Variants in CENPM observed in about 807,000 individuals in gnomAD.
The protein encoded by CENPM is interphase centromere complex protein 39.
In CENPM, 14 loss-of-function variants were observed where a neutral mutation model predicts 19.6. The observed-to-expected ratio is 0.71, with a 90% CI of 0.47 to 1.11. The LOEUF (loss-of-function observed/expected upper bound fraction) is 1.11. CENPM is among the 50% of genes most tolerant of loss of function. The probability of loss-of-function intolerance (pLI) is 0.00; values close to 1 mark genes in which losing one functional copy is unlikely to be tolerated. For missense variants in CENPM, 239 were observed against 228.4 expected, an observed-to-expected ratio of 1.05 and a Z score of -0.30; for synonymous variants, 114 against 101.5, an observed-to-expected ratio of 1.12 and a Z score of -0.74.
the CENPM span, among the ~76,000 whole-genome samples, chr22:41,931,488 A>T: frequency 3.7e-4 from 54 of 147,570 alleles, no homozygotes; most frequent in African/African-American, 1.3e-3. Flanking sequence ...TCAGAAAAAA[A>T]AAAAATAATA....
Position 41,945,319 on chromosome 22 carries a change from C to T in CENPM, c.231-15G>A. 1 of 1,613,830 alleles carries T rather than the reference C, an allele frequency of 6.2e-7. No homozygotes were observed. Among genetic ancestry groups the T allele is most frequent in the Non-Finnish European group, 8.5e-7 (1 of 1,179,974 alleles). ...TGTTCTGGAGACTGGGGTGGCCAGG[C>T]CAGGGTGAGAAAACAAACCAGAGAA... On this transcript the variant is annotated splice_polypyrimidine_tract_variant and intron_variant, in intron 3 of 5. Coordinates refer to ENST00000215980, the MANE Select transcript of CENPM (RefSeq NM_024053.5).
Position 41,939,042 on chromosome 22 carries a change from G to A in CENPM, c.*14C>T. The A allele has an allele frequency of 6.2e-7, 1 of 1,612,490 alleles. No individual in the cohort carries two copies. The highest frequency in any genetic ancestry group is 8.5e-7 in the Non-Finnish European group (1 of 1,179,720). On this transcript the variant is annotated 3_prime_UTR_variant, in exon 6 of 6. Transcript: ENST00000215980. The stretch of plus-strand genomic sequence containing the variant: ...CGAAGCCATGAGAAGGGGCAGCCCA[G>A]GGGCCAGCCACCCTCACAGGTCCTC...
the CENPM span, among the ~76,000 whole-genome samples, chr22:41,931,304 A>G: frequency 6.7e-6 from 1 of 149,022 alleles, no homozygotes; most frequent in Non-Finnish European, 1.5e-5. Context: ...CCCTCTCTCT[A>G]TAAGAAATTT....
the CENPM span, among the ~76,000 whole-genome samples, chr22:41,927,199 C>T: frequency 6.6e-6 from 1 of 152,100 alleles, no homozygotes; most frequent in Non-Finnish European, 1.5e-5. Context: ...GGATTACAGG[C>T]GTGAGCCACC....
At chr22:41,935,679 C>T (rs2077680675), downstream of CENPM, among the ~76,000 whole-genome samples, 2 of 152,166 alleles carry the variant, frequency 1.3e-5, no homozygotes, top group Admixed American at 6.5e-5. Context: ...AGAGCCTGCA[C>T]CACTCTGCTC....
intron 4 of CENPM, 132 bp from the exon 5 acceptor site, chr22:41,943,833 T>C: frequency 1.4e-6 from 1 of 720,806 alleles, no homozygotes; most frequent in Non-Finnish European, 2.2e-6. Context: ...GTGACAGTCC[T>C]ATTCTACTTT....
rs373000902 is a variant in CENPM, at chr22:41,947,059, G to T, written c.18C>A (p.Pro6=). 35 of 1,612,834 alleles carry T rather than the reference G, an allele frequency of 2.2e-5. No homozygotes were observed. The highest frequency in any genetic ancestry group is 1.6e-4 in the Middle Eastern group (1 of 6,080). MSVLR[P]LDKLPGLNTA... ...TGTTCAGGCCGGGCAGCTTGTCCAG[G>T]GGCCTCAACACCGACATCACAGCCG... The change falls in exon 1 of 6, where the codon CCC becomes CCA. Residue 6 remains proline, a synonymous_variant. Transcript: ENST00000215980.
intron 5 of CENPM, among the ~76,000 whole-genome samples, chr22:41,941,677 C>T (rs747073523): frequency 4.6e-5 from 7 of 152,220 alleles, no homozygotes; most frequent in East Asian, 1.9e-4. Flanking sequence ...CTGAGCAAGT[C>T]GCCTGTTCTC....
At chr22:41,939,818 A>AAG (rs2077712660) in intron 5 of CENPM, among the ~76,000 whole-genome samples, 1 of 42,700 alleles carries the variant, frequency 2.3e-5, no homozygotes, top group African/African-American at 9.1e-5. Flanking sequence ...AAAAGAAAGA[A>AAG]AAAGAAAGAA....
In CENPM at chr22:41,945,324, G is replaced by A. The variant is rs953821885; in HGVS notation, c.231-20C>T. On this transcript the variant is annotated intron_variant, in intron 3 of 5. Transcript: ENST00000215980. ...TGGAGACTGGGGTGGCCAGGCCAGG[G>A]TGAGAAAACAAACCAGAGAACAAAA... 6.2e-7 allele frequency: 1 copy of A among 1,613,834 alleles called. No individual in the cohort carries two copies. Among genetic ancestry groups the A allele is most frequent in the Non-Finnish European group, 8.5e-7 (1 of 1,179,980 alleles).
chr22:41,934,378 C>T (rs1316887063), downstream of CENPM, among the ~76,000 whole-genome samples: 1 of 152,198 alleles, frequency 6.6e-6, no homozygotes, highest in Non-Finnish European at 1.5e-5. Flanking sequence ...AAGCTCTACT[C>T]CTCTAAGAGT....
At chr22:41,940,177 A>G in intron 5 of CENPM, 1 of 768,676 alleles carries the variant, frequency 1.3e-6, no homozygotes, top group Non-Finnish European at 2.4e-6. Context: ...CGGCCCATGC[A>G]CTTGCTGTTC....
At chr22:41,928,631 G>C in the CENPM span, among the ~76,000 whole-genome samples, 4 of 152,130 alleles carry the variant, frequency 2.6e-5, no homozygotes, top group East Asian at 1.9e-4. The surrounding 1 kb of genome is among the most constrained non-coding windows in gnomAD (Gnocchi z 4.0). Context: ...AGGGGCTAAG[G>C]CTTGGAGAGA....
chr22:41,930,129 G>A, the CENPM span, among the ~76,000 whole-genome samples: 2 of 149,310 alleles, frequency 1.3e-5, no homozygotes, highest in African/African-American at 5.0e-5. Flanking sequence ...ATTTTTAGTA[G>A]AGACGGGGTT....
intron 4 of CENPM, 39 bp downstream of exon 4, chr22:41,945,186 G>C: frequency 1.2e-6 from 2 of 1,613,642 alleles, no homozygotes; most frequent in Non-Finnish European, 1.7e-6. Context: ...GCTTTCCCTT[G>C]GCTGGGGGTG....
At chr22:41,930,069 G>A in the CENPM span, among the ~76,000 whole-genome samples, 81 of 131,266 alleles carry the variant, frequency 6.2e-4, no homozygotes, top group African/African-American at 1.4e-3. Context: ...TCAGCCTCCC[G>A]AGTAGCTGGG....
chr22:41,945,727 T>C (rs2077792739), intron 3 of CENPM, among the ~76,000 whole-genome samples, 186 bp downstream of exon 3: 1 of 152,144 alleles, frequency 6.6e-6, no homozygotes, highest in African/African-American at 2.4e-5. Flanking sequence ...TGAGCCATTG[T>C]GCCCGGCCGT....
Position 41,943,658 on chromosome 22 carries a change from C to T in CENPM, c.354G>A (p.Val118=), listed in dbSNP as rs367995688. ...SHCSIHRHTV[V]KLAHTYQSPL... ...GGCTTTGATAGGTGTGGGCCAGCTTCACCACGGTGTGCCGGTGAATGCTGC... is the reference window on the plus strand; with the variant it reads ...GGCTTTGATAGGTGTGGGCCAGCTTTACCACGGTGTGCCGGTGAATGCTGC... The change falls in exon 5 of 6, where the codon GTG becomes GTA. Residue 118 remains valine (V), a synonymous_variant. Coordinates refer to ENST00000215980, the MANE Select transcript of CENPM (RefSeq NM_024053.5). The T allele has an allele frequency of 3.7e-6, 6 of 1,613,862 alleles. No individual in the cohort carries two copies. Among genetic ancestry groups the T allele is most frequent in the Non-Finnish European group, 5.1e-6 (6 of 1,179,930 alleles).
At chr22:41,943,509 A>T in intron 5 of CENPM, 101 bp downstream of exon 5, 1 of 1,007,772 alleles carries the variant, frequency 9.9e-7, no homozygotes, top group Non-Finnish European at 1.5e-6. Flanking sequence ...TCGCTCGGAT[A>T]CTAAGTCCTT....
Sources: gnomAD v4.1 joint callset for allele counts (sites outside exome capture counted in the v4.1 genomes callset) on GRCh38, gnomAD v4.1.1 for gene constraint, Gnocchi (gnomAD v3.1) non-coding constraint, MANE v1.5 for transcripts, NCBI Gene and HGNC (gene_info 2026-07-23, HGNC 2026-07-21) for gene names.